RBFOX1: variants seen among roughly 807,000 people sequenced by gnomAD.
The protein encoded by RBFOX1 is RNA binding protein fox-1 homolog 1.
In RBFOX1, 8 loss-of-function variants were observed where a neutral mutation model predicts 57.7. The ratio of observed to expected loss-of-function variants is 0.14; its 90% CI spans 0.08 to 0.25. The LOEUF is 0.25. Ranked by LOEUF, RBFOX1 falls within the 10% of genes least tolerant of loss-of-function variation. RBFOX1 has a pLI of 1.00. For synonymous variants in RBFOX1, 326 were observed against 222.4 expected, an observed-to-expected ratio of 1.47 and a Z score of -4.15; for missense variants, 611 against 548.5, an observed-to-expected ratio of 1.11 and a Z score of -1.14.
intron 3 of RBFOX1, among the ~76,000 whole-genome samples, chr16:6,877,442 G>T (rs538492694): frequency 6.6e-6 from 1 of 152,022 alleles, no homozygotes. Context: ...AGCAAAACCA[G>T]AGTAGTGGGG....
intron 1 of RBFOX1, among the ~76,000 whole-genome samples, chr16:6,156,744 G>C (rs2096841187): frequency 6.6e-6 from 1 of 152,154 alleles, no homozygotes; most frequent in Non-Finnish European, 1.5e-5. Flanking sequence ...CCAGAGACGT[G>C]CTTATTTCAG....
chr16:6,713,485 G>T (rs2064132310), intron 3 of RBFOX1, among the ~76,000 whole-genome samples: 1 of 152,036 alleles, frequency 6.6e-6, no homozygotes, highest in African/African-American at 2.4e-5. Context: ...CCTGTGCATT[G>T]TAGGATGTTG....
upstream of RBFOX1, among the ~76,000 whole-genome samples, chr16:6,018,656 GGC>G (rs2095015779): frequency 6.6e-6 from 1 of 152,162 alleles, no homozygotes; most frequent in African/African-American, 2.4e-5. Context: ...ATCTCTGCCT[GGC>G]CGGAAGATTT....
chr16:7,574,028 C>T (rs756382546), intron 5 of RBFOX1, among the ~76,000 whole-genome samples: 3 of 152,040 alleles, frequency 2.0e-5, no homozygotes, highest in Admixed American at 6.6e-5. Flanking sequence ...TTAGGAATTA[C>T]ACACTATGCT....
intron 4 of RBFOX1, among the ~76,000 whole-genome samples, chr16:7,167,241 C>T (rs866023570): frequency 2.0e-5 from 3 of 151,856 alleles, no homozygotes; most frequent in African/African-American, 7.3e-5. Flanking sequence ...CAGCTTCTGC[C>T]TACCAAAGTG....
At chr16:6,938,188 G>C (rs1715800821) in intron 3 of RBFOX1, among the ~76,000 whole-genome samples, 1 of 152,152 alleles carries the variant, frequency 6.6e-6, no homozygotes, top group Non-Finnish European at 1.5e-5. Flanking sequence ...TACTTTCCTA[G>C]TGTAGAATAT....
intron 3 of RBFOX1, among the ~76,000 whole-genome samples, chr16:5,659,286 G>T (rs1458962154): frequency 6.7e-6 from 1 of 148,472 alleles, no homozygotes; most frequent in Non-Finnish European, 1.5e-5. Context: ...TCTTATGTTT[G>T]TTGGCCATTG....
chr16:6,192,717 A>G (rs975754323), intron 1 of RBFOX1, among the ~76,000 whole-genome samples: 7 of 152,310 alleles, frequency 4.6e-5, no homozygotes, highest in Middle Eastern at 3.4e-3. Context: ...TAAATCAGCA[A>G]TGATAATTGT....
At chr16:6,773,294 TGGG>T (rs2078724410) in intron 3 of RBFOX1, among the ~76,000 whole-genome samples, 4 of 137,332 alleles carry the variant, frequency 2.9e-5, no homozygotes, top group South Asian at 2.4e-4. Context: ...TGTGTGGGTG[TGGG>T]GTGCATTTGT....
At chr16:5,706,633 G>C (rs1330686656) in intron 3 of RBFOX1, among the ~76,000 whole-genome samples, 1 of 152,172 alleles carries the variant, frequency 6.6e-6, no homozygotes, top group Non-Finnish European at 1.5e-5. Context: ...ATTTTCTCCA[G>C]AGTGTCTCTC....
At chr16:6,949,127 TG>T (rs908231618) in intron 3 of RBFOX1, among the ~76,000 whole-genome samples, 2 of 152,176 alleles carry the variant, frequency 1.3e-5, no homozygotes, top group African/African-American at 4.8e-5. Flanking sequence ...TTTTAAAACA[TG>T]GATAGGGATA....
At chr16:7,446,396 C>T (rs1186044901) in intron 4 of RBFOX1, among the ~76,000 whole-genome samples, 1 of 152,132 alleles carries the variant, frequency 6.6e-6, no homozygotes, top group East Asian at 1.9e-4. Flanking sequence ...AACAAGGAGG[C>T]CATGATTTTC....
At chr16:7,223,699 C>T (rs569755852) in intron 4 of RBFOX1, among the ~76,000 whole-genome samples, 23 of 138,344 alleles carry the variant, frequency 1.7e-4, no homozygotes, top group Non-Finnish European at 2.6e-4. Flanking sequence ...CACTATATGC[C>T]GTCAGTGTTT....
intron 1 of RBFOX1, among the ~76,000 whole-genome samples, chr16:5,295,371 A>G (rs945015651): frequency 3.3e-5 from 5 of 152,174 alleles, no homozygotes; most frequent in African/African-American, 7.2e-5. Context: ...TATTACTGCA[A>G]ACTTTGTGGC....
chr16:6,235,302 C>G (rs1032164206), intron 1 of RBFOX1, among the ~76,000 whole-genome samples: 6 of 152,096 alleles, frequency 3.9e-5, no homozygotes, highest in African/African-American at 1.4e-4. Flanking sequence ...AGGTGCAATA[C>G]TTACTTTCCA....
intron 4 of RBFOX1, among the ~76,000 whole-genome samples, chr16:5,952,484 A>G (rs1368922820): frequency 6.6e-6 from 1 of 152,078 alleles, no homozygotes; most frequent in East Asian, 1.9e-4. Flanking sequence ...ATGGGGTTTC[A>G]CTATGTTGCC....
intron 4 of RBFOX1, among the ~76,000 whole-genome samples, chr16:7,171,883 T>C (rs1475569172): frequency 6.6e-6 from 1 of 152,206 alleles, no homozygotes; most frequent in East Asian, 1.9e-4. Flanking sequence ...ACATCTCTGC[T>C]TATGAGTACC....
chr16:5,686,204 C>T (rs760217202), intron 3 of RBFOX1, among the ~76,000 whole-genome samples: 1 of 152,132 alleles, frequency 6.6e-6, no homozygotes, highest in Non-Finnish European at 1.5e-5. Context: ...GAGGAAGATA[C>T]ACACAGAGTT....
At chr16:5,240,448 TG>T (rs2062136928) in intron 1 of RBFOX1, among the ~76,000 whole-genome samples, 1 of 152,058 alleles carries the variant, frequency 6.6e-6, no homozygotes, top group Non-Finnish European at 1.5e-5. Context: ...CTGGGGCATC[TG>T]TCTGGGACTT....
Sources: gnomAD v4.1 joint callset for allele counts (sites outside exome capture counted in the v4.1 genomes callset) on GRCh38, gnomAD v4.1.1 for gene constraint, MANE v1.5 for transcripts, NCBI Gene and HGNC (gene_info 2026-07-23, HGNC 2026-07-21) for gene names.